ARID1B: variants seen among roughly 807,000 people sequenced by gnomAD.
ARID1B encodes AT-rich interaction domain 1B, also known as AT-rich interactive domain-containing protein 1B.
A neutral mutation model predicts 212.3 loss-of-function variants in ARID1B; 30 were observed. That is an observed-to-expected ratio of 0.14 (90% CI 0.11 to 0.19). ARID1B has a LOEUF of 0.19. Among genes scored for constraint, ARID1B ranks in the 10% least tolerant of loss-of-function variants. ARID1B has a pLI of 1.00. For synonymous variants in ARID1B, 1,402 were observed against 1,301.7 expected (o/e 1.08, Z -1.66); for missense variants, 2,891 against 3,204.0 (o/e 0.90, Z 2.36).
chr6:157,154,900 T>TTTTTGTTTTGTTTTG (rs112112944), intron 8 of ARID1B, among the ~76,000 whole-genome samples: 1 of 151,808 alleles, frequency 6.6e-6, no homozygotes, highest in African/African-American at 2.4e-5. Context: ...TCTTTCTACT[T>TTTTTGTTTTGTTTTG]TTTTGTTTTG....
At chr6:156,900,883 T>C (rs1247576013) in intron 2 of ARID1B, among the ~76,000 whole-genome samples, 2 of 152,248 alleles carry the variant, frequency 1.3e-5, no homozygotes, top group Admixed American at 1.3e-4. Flanking sequence ...TTAACTGGTA[T>C]ATATGTGCTG....
intron 4 of ARID1B, among the ~76,000 whole-genome samples, chr6:156,958,963 T>C (rs1250536107): frequency 6.6e-6 from 1 of 152,226 alleles, no homozygotes; most frequent in Non-Finnish European, 1.5e-5. Context: ...AGTGAAATCA[T>C]TAACTACTCA....
chr6:157,033,444 C>T (rs1047046880), intron 4 of ARID1B, among the ~76,000 whole-genome samples: 5 of 152,116 alleles, frequency 3.3e-5, no homozygotes, highest in Non-Finnish European at 7.3e-5. Flanking sequence ...GACGATAATG[C>T]TGCTAGAATT....
At chr6:157,073,527 G>A (rs1164395541) in intron 4 of ARID1B, among the ~76,000 whole-genome samples, 1 of 152,216 alleles carries the variant, frequency 6.6e-6, no homozygotes, top group Non-Finnish European at 1.5e-5. Flanking sequence ...GTGTTAATAT[G>A]TGGATGTATG....
At chr6:157,031,612 A>C (rs1387712061) in intron 4 of ARID1B, among the ~76,000 whole-genome samples, 2 of 152,134 alleles carry the variant, frequency 1.3e-5, no homozygotes, top group African/African-American at 4.8e-5. Flanking sequence ...TTAATGTTTA[A>C]TTATGGTAAA....
At chr6:156,885,836 C>T (rs1787460120) in intron 2 of ARID1B, among the ~76,000 whole-genome samples, 1 of 152,184 alleles carries the variant, frequency 6.6e-6, no homozygotes, top group Non-Finnish European at 1.5e-5. Context: ...ACAACGAAGC[C>T]TCCCCTTCCC....
intron 2 of ARID1B, among the ~76,000 whole-genome samples, chr6:156,838,090 C>T (rs1468710923): frequency 6.6e-6 from 1 of 152,172 alleles, no homozygotes; most frequent in Non-Finnish European, 1.5e-5. Context: ...ATTCATCTCC[C>T]TTTATTGATA....
intron 4 of ARID1B, among the ~76,000 whole-genome samples, chr6:157,005,725 A>T (rs1779214493): frequency 6.6e-6 from 1 of 152,172 alleles, no homozygotes; most frequent in Non-Finnish European, 1.5e-5. Context: ...AGAGGAATTT[A>T]ACATAATGCA....
At chr6:156,935,355 C>T (rs1792109458) in intron 3 of ARID1B, 111 bp from the exon 4 acceptor site, 1 of 876,088 alleles carries the variant, frequency 1.1e-6, no homozygotes, top group Non-Finnish European at 1.8e-6. Context: ...GCTGGGATTA[C>T]AGGCATGAGC....
At chr6:157,195,198 G>C (rs1793633080) in intron 15 of ARID1B, 1 of 152,214 alleles carries the variant, frequency 6.6e-6, no homozygotes, top group Non-Finnish European at 1.5e-5. Flanking sequence ...GGCACAGTGT[G>C]ACTGGGCCTC....
chr6:157,174,883 A>G lies in ARID1B; in HGVS notation c.3382A>G (p.Thr1128Ala), dbSNP rs755963909. 1.9e-6 allele frequency: 3 copies of G among 1,550,544 alleles called. No individual in the cohort carries two copies. In the Admixed American group the frequency reaches 5.7e-5, roughly 29 times the overall value. ...YSSQGISQPP[T>A]PGNLPVPSPM... ...CTCTCAGGGTATTTCTCAGCCCCCA[A>G]CCCCAGGCAACCTGCCAGTCCCTTC... The change falls in exon 11 of 20, where the codon ACC becomes GCC. Residue 1128 changes from threonine to alanine, a missense_variant. Physicochemically the swap from Thr to Ala is moderately conservative, Grantham distance 58 (BLOSUM62 0). Coordinates refer to ENST00000636930, the MANE Select transcript of ARID1B (RefSeq NM_001374828.1).
At chr6:157,122,072 T>C (rs558492712) in intron 6 of ARID1B, among the ~76,000 whole-genome samples, 9 of 152,332 alleles carry the variant, frequency 5.9e-5, no homozygotes, top group African/African-American at 2.2e-4. Context: ...CTAGTTTGTT[T>C]ACCACTGGGT....
chr6:156,790,449 C>T (rs1008560963), intron 1 of ARID1B, among the ~76,000 whole-genome samples: 1 of 152,120 alleles, frequency 6.6e-6, no homozygotes, highest in Admixed American at 6.5e-5. Flanking sequence ...ATTAGAAATA[C>T]AGACAATAAC....
intron 12 of ARID1B, among the ~76,000 whole-genome samples, chr6:157,182,641 G>C (rs943195305): frequency 1.3e-5 from 2 of 152,204 alleles, no homozygotes; most frequent in African/African-American, 4.8e-5. Flanking sequence ...TTTGTGCTTA[G>C]CCTTCCCACT....
chr6:156,983,564 A>G (rs1361860443), intron 4 of ARID1B, among the ~76,000 whole-genome samples: 4 of 152,274 alleles, frequency 2.6e-5, no homozygotes, highest in Non-Finnish European at 5.9e-5. Context: ...TATTTTCTCC[A>G]GAGAAGACAC....
chr6:156,782,169 C>A (rs1486031886), intron 1 of ARID1B, among the ~76,000 whole-genome samples: 1 of 151,148 alleles, frequency 6.6e-6, no homozygotes, highest in Non-Finnish European at 1.5e-5. Flanking sequence ...TACTAAGAAA[C>A]AGTCATTTGT....
chr6:157,162,266 C>T (rs904246538), intron 8 of ARID1B, among the ~76,000 whole-genome samples: 1 of 152,212 alleles, frequency 6.6e-6, no homozygotes, highest in Non-Finnish European at 1.5e-5. Flanking sequence ...GATGTGGGTA[C>T]TGCATGAAAT....
At chr6:156,986,560 C>CTTTT (rs1403575852) in intron 4 of ARID1B, among the ~76,000 whole-genome samples, 1 of 152,136 alleles carries the variant, frequency 6.6e-6, no homozygotes, top group Non-Finnish European at 1.5e-5. Context: ...GTTTCCTTAC[C>CTTTT]TACAAAATGG....
At chr6:157,123,869 A>T (rs1787947255) in intron 6 of ARID1B, among the ~76,000 whole-genome samples, 1 of 152,272 alleles carries the variant, frequency 6.6e-6, no homozygotes. Context: ...AAGGAAAGTG[A>T]TGCTTTGCAG....
Sources: allele counts gnomAD v4.1 joint callset (sites outside exome capture counted in the v4.1 genomes callset), GRCh38; gene constraint gnomAD v4.1.1; transcripts MANE v1.5; gene names NCBI Gene and HGNC (gene_info 2026-07-23, HGNC 2026-07-21).